The following IQCC variants were observed in gnomAD, a reference collection of about 807,000 sequenced individuals.
IQCC encodes IQ motif containing C, also known as IQ domain-containing protein C.
IQCC carries 23 observed loss-of-function variants against 27.0 expected under a neutral mutation model. That is an observed-to-expected ratio of 0.85 (90% CI 0.61 to 1.21). The LOEUF (loss-of-function observed/expected upper bound fraction) is 1.21. Among genes scored for constraint, IQCC ranks in the 50% most tolerant of loss-of-function variants. IQCC has a pLI of 0.00. For synonymous variants in IQCC, 220 were observed against 217.2 expected (o/e 1.01, Z -0.11); for missense variants, 552 against 562.3 (o/e 0.98, Z 0.19).
chr1:32,207,079 G>A lies in IQCC; in HGVS notation c.517G>A (p.Glu173Lys). ...GTACCACCGCAGCCACTTGGCCATG[G>A]AATTGCTGTGGCTGCAACAGGCCAT... is the stretch of plus-strand genomic sequence containing the variant. ...LQYHRSHLAMELLWLQQAINS... is the reference protein window; with the variant it reads ...LQYHRSHLAMKLLWLQQAINS... The change falls in exon 4 of 5, where the codon GAA becomes AAA. Residue 173 changes from glutamate (E) to lysine (K), a missense_variant. Transcript: ENST00000291358. The A allele has an allele frequency of 1.2e-6, 2 of 1,612,966 alleles. No homozygotes were observed. The highest frequency in any genetic ancestry group is 8.5e-7 in the Non-Finnish European group (1 of 1,179,490).
Position 32,208,109 on chromosome 1 carries a change from G to A in IQCC, c.*27G>A. On this transcript the variant is annotated 3_prime_UTR_variant, in exon 5 of 5. Coordinates refer to ENST00000291358, the MANE Select transcript of IQCC (RefSeq NM_018134.3). ...CCCTAGGAAGCCAGGAGAGGATCAG[G>A]TTCCAAAGGGGAATGCTATGAAAGG... 1 of 1,556,042 alleles carries A rather than the reference G, an allele frequency of 6.4e-7. No homozygotes were observed. The highest frequency in any genetic ancestry group is 8.7e-7 in the Non-Finnish European group (1 of 1,151,584).
Position 32,205,703 on chromosome 1 carries a change from C to T in IQCC, c.22C>T (p.Arg8Trp), listed in dbSNP as rs771331321. The T allele has an allele frequency of 3.7e-6, 6 of 1,609,098 alleles. No homozygotes were observed. The highest frequency in any genetic ancestry group is 3.3e-5 in the Admixed American group (2 of 59,814). Reference sequence around the variant, plus strand: ...GCCCATGGAGCCAGAGCTGCTGGTTCGGAAGGTGTCTGCATTGCAGGTGCG... The same window carrying T: ...GCCCATGGAGCCAGAGCTGCTGGTTTGGAAGGTGTCTGCATTGCAGGTGCG... The part of the protein sequence containing the change: MEPELLV[R>W]KVSALQACVR... The change falls in exon 1 of 5, where the codon CGG (arginine) becomes TGG (tryptophan). Residue 8 changes from arginine (R) to tryptophan (W), a missense_variant. Transcript: ENST00000291358. This position sits in a 1 kb window ranked among gnomAD's most constrained non-coding sequence, Gnocchi z 5.6.
chr1:32,207,875 G>C lies in IQCC; in HGVS notation c.1194G>C (p.Trp398Cys), dbSNP rs752466982. 5.6e-6 allele frequency: 9 copies of C among 1,614,008 alleles called. No individual in the cohort carries two copies. ...CAGAGCATAGTGTCCTCGATCTCTGGAGGACTAAACCACCCAAAGGCCAGG... is the reference window on the plus strand; with the variant it reads ...CAGAGCATAGTGTCCTCGATCTCTGCAGGACTAAACCACCCAAAGGCCAGG... The part of the protein sequence containing the change: ...GGPEHSVLDL[W>C]RTKPPKGQAP... The change falls in exon 5 of 5, where the codon TGG becomes TGC. Residue 398 changes from tryptophan to cysteine, a missense_variant. Transcript: ENST00000291358.
chr1:32,207,260 A>G lies in IQCC; in HGVS notation c.579A>G (p.Thr193=), dbSNP rs754164233. Reference sequence around the variant, plus strand: ...AACAGTACCTACTTCTTAAACAAACACTGAGATCCCCAGAGGCGGGCCCGA... The same window carrying G: ...AACAGTACCTACTTCTTAAACAAACGCTGAGATCCCCAGAGGCGGGCCCGA... ...SRKEYLLLKQ[T]LRSPEAGPIR... is the part of the protein sequence containing the mutation. The change falls in exon 5 of 5, where the codon ACA becomes ACG. Residue 193 remains threonine (T), a synonymous_variant. Coordinates refer to ENST00000291358, the MANE Select transcript of IQCC (RefSeq NM_018134.3). 5.0e-6 allele frequency: 8 copies of G among 1,613,886 alleles called. No homozygotes were observed. Among genetic ancestry groups the G allele is most frequent in the Non-Finnish European group, 6.8e-6 (8 of 1,180,008 alleles).
At position 32,207,255 on chromosome 1, in the gene IQCC, C is replaced by G. The variant is rs1359529923; in HGVS notation, c.574C>G (p.Gln192Glu). 1 of 1,614,024 alleles carries G rather than the reference C, an allele frequency of 6.2e-7. No homozygotes were observed. Among genetic ancestry groups the G allele is most frequent in the Non-Finnish European group, 8.5e-7 (1 of 1,179,952 alleles). ...NSRKEYLLLK[Q>E]TLRSPEAGPI... ...CCCCCAACAGTACCTACTTCTTAAA[C>G]AAACACTGAGATCCCCAGAGGCGGG... Residue 192 changes from glutamine (Q) to glutamate (E), a missense_variant, in exon 5 of 5, where the codon CAA becomes GAA. Gln to Glu is a conservative substitution (Grantham distance 29). Transcript: ENST00000291358.
chr1:32,207,536 G>C lies in IQCC; in HGVS notation c.855G>C (p.Ser285=), dbSNP rs755689219. 6.8e-6 allele frequency: 11 copies of C among 1,611,682 alleles called. No individual in the cohort carries two copies. The highest frequency in any genetic ancestry group is 8.5e-6 in the Non-Finnish European group (10 of 1,178,782). The change falls in exon 5 of 5, where the codon TCG becomes TCC. Residue 285 remains serine (S), a synonymous_variant. Transcript: ENST00000291358. The part of the protein sequence containing the change: ...EPCYSKSGPP[S]SIPSNSQALG... ...GCTACAGCAAGTCTGGACCACCGTCGTCTATACCATCAAACAGCCAGGCCT... is the reference window on the plus strand; with the variant it reads ...GCTACAGCAAGTCTGGACCACCGTCCTCTATACCATCAAACAGCCAGGCCT...
rs146534863 is a variant in IQCC, at chr1:32,207,844, G to T, written c.1163G>T (p.Gly388Val). Residue 388 changes from glycine to valine, a missense_variant, in exon 5 of 5, where the codon GGG becomes GTG. Coordinates refer to ENST00000291358, the MANE Select transcript of IQCC (RefSeq NM_018134.3). The part of the protein sequence containing the change: ...EDHIIWDGTL[G>V]GPEHSVLDLW... ...CACATCATCTGGGATGGTACCTTGGGGGGGCCAGAGCATAGTGTCCTCGAT... is the reference window on the plus strand; with the variant it reads ...CACATCATCTGGGATGGTACCTTGGTGGGGCCAGAGCATAGTGTCCTCGAT... The T allele has an allele frequency of 3.7e-6, 6 of 1,614,092 alleles. No homozygotes were observed. The highest frequency in any genetic ancestry group is 4.2e-6 in the Non-Finnish European group (5 of 1,180,016).
In IQCC at chr1:32,207,568, AC is replaced by A; in HGVS notation, c.888del (p.Asp296GlufsTer22). On this transcript the variant is annotated frameshift_variant, in exon 5 of 5. Coordinates refer to ENST00000291358, the MANE Select transcript of IQCC (RefSeq NM_018134.3). LOFTEE classifies it low-confidence loss of function (END_TRUNC). ...CCATCAAACAGCCAGGCCTTGGGGG[AC>A]AGGCTCACCAAAGGGCCAGACGATG... ...SIPSNSQALG[D>X]RLTKGPDDGR... is the part of the protein sequence containing the mutation. 6.2e-7 allele frequency: 1 copy of A among 1,612,540 alleles called. No individual in the cohort carries two copies. Among genetic ancestry groups the A allele is most frequent in the Non-Finnish European group, 8.5e-7 (1 of 1,179,312 alleles).
Position 32,207,781 on chromosome 1 carries a change from G to C in IQCC, c.1100G>C (p.Arg367Pro). ...RKLDHKEPDC[R>P]TVRTQELGLS... Reference sequence around the variant, plus strand: ...CTAGACCACAAAGAGCCTGACTGCCGAACAGTCAGGACACAAGAGTTGGGC... The same window carrying C: ...CTAGACCACAAAGAGCCTGACTGCCCAACAGTCAGGACACAAGAGTTGGGC... The change falls in exon 5 of 5, where the codon CGA (arginine) becomes CCA (proline). Residue 367 changes from arginine to proline, a missense_variant. Coordinates refer to ENST00000291358, the MANE Select transcript of IQCC (RefSeq NM_018134.3). 2 of 1,613,742 alleles carry C rather than the reference G, an allele frequency of 1.2e-6. No individual in the cohort carries two copies. Among genetic ancestry groups the C allele is most frequent in the Non-Finnish European group, 1.7e-6 (2 of 1,179,810 alleles).
At position 32,205,728 on chromosome 1, in the gene IQCC, G is replaced by C. The variant is rs766349411; in HGVS notation, c.42+5G>C. The C allele has an allele frequency of 6.7e-5, 108 of 1,611,722 alleles. No homozygotes were observed. Among genetic ancestry groups the C allele is most frequent in the Admixed American group, 1.3e-4 (8 of 59,820 alleles). On this transcript the variant is annotated splice_donor_5th_base_variant and intron_variant, in intron 1 of 4. Transcript: ENST00000291358. This position sits in a 1 kb window ranked among gnomAD's most constrained non-coding sequence, Gnocchi z 5.6. ...CGGAAGGTGTCTGCATTGCAGGTGCGGGGGCGGGCGCGGGGTTCACAGGAT... is the reference window on the plus strand; with the variant it reads ...CGGAAGGTGTCTGCATTGCAGGTGCCGGGGCGGGCGCGGGGTTCACAGGAT...
chr1:32,208,238 G>C lies in IQCC; in HGVS notation c.*156G>C. On this transcript the variant is annotated 3_prime_UTR_variant, in exon 5 of 5. Coordinates refer to ENST00000291358, the MANE Select transcript of IQCC (RefSeq NM_018134.3). ...GGGCCAAGAGAAGCTGGAGCAGAGA[G>C]CTGGCATGAGTATAGGGAAGGAGGA... 1.3e-6 allele frequency: 1 copy of C among 746,518 alleles called. No individual in the cohort carries two copies. The highest frequency in any genetic ancestry group is 2.2e-6 in the Non-Finnish European group (1 of 462,736). The allele number at this position is 746,518 out of a possible 1,614,324, so 46.2% of individuals were successfully genotyped here.
At position 32,208,192 on chromosome 1, in the gene IQCC, C is replaced by A; in HGVS notation, c.*110C>A. ...ACCAGCTCTGGCTTCTGCTCCTGCC[C>A]CTGGCCATTGGTGACTAGTGGGGCC... is the stretch of plus-strand genomic sequence containing the variant. On this transcript the variant is annotated 3_prime_UTR_variant, in exon 5 of 5. Coordinates refer to ENST00000291358, the MANE Select transcript of IQCC (RefSeq NM_018134.3). 8.1e-7 allele frequency: 1 copy of A among 1,240,024 alleles called. No individual in the cohort carries two copies. Among genetic ancestry groups the A allele is most frequent in the Non-Finnish European group, 1.1e-6 (1 of 909,854 alleles). The allele number at this position is 1,240,024 out of a possible 1,614,324, so 76.8% of individuals were successfully genotyped here.
chr1:32,207,841 TGGG>T lies in IQCC; in HGVS notation c.1165_1167del (p.Gly389del), dbSNP rs753907631. ...GACCACATCATCTGGGATGGTACCT[TGGG>T]GGGGCCAGAGCATAGTGTCCTCGAT... On this transcript the variant is annotated inframe_deletion, in exon 5 of 5. Transcript: ENST00000291358. 3 of 1,613,696 alleles carry T rather than the reference TGGG, an allele frequency of 1.9e-6. No individual in the cohort carries two copies. Among genetic ancestry groups the T allele is most frequent in the Admixed American group, 1.7e-5 (1 of 59,992 alleles).
Position 32,207,269 on chromosome 1 carries a change from C to T in IQCC, c.588C>T (p.Ser196=), listed in dbSNP as rs1204187061. 1 of 1,614,004 alleles carries T rather than the reference C, an allele frequency of 6.2e-7. No individual in the cohort carries two copies. The highest frequency in any genetic ancestry group is 8.5e-7 in the Non-Finnish European group (1 of 1,179,980). Residue 196 remains serine (S), a synonymous_variant, in exon 5 of 5, where the codon TCC becomes TCT. Transcript: ENST00000291358. ...TACTTCTTAAACAAACACTGAGATC[C>T]CCAGAGGCGGGCCCGATCAGAGAGG... The part of the protein sequence containing the change: ...EYLLLKQTLR[S]PEAGPIREEP...
At position 32,206,244 on chromosome 1, in the gene IQCC, G is replaced by A. The variant is rs1643330804; in HGVS notation, c.133G>A (p.Gly45Ser). Reference sequence around the variant, plus strand: ...TGTACGAGAGGTCGAGGGCGACCTGGGCACGCTTCAGTGGACCGAGGGCCG... The same window carrying A: ...TGTACGAGAGGTCGAGGGCGACCTGAGCACGCTTCAGTGGACCGAGGGCCG... Reference protein sequence around the residue: ...AIVREVEGDLGTLQWTEGRIP... With the variant: ...AIVREVEGDLSTLQWTEGRIP... The change falls in exon 2 of 5, where the codon GGC becomes AGC. Residue 45 changes from glycine to serine, a missense_variant. Physicochemically the swap from Gly to Ser is moderately conservative, Grantham distance 56. Transcript: ENST00000291358. 2 of 1,614,086 alleles carry A rather than the reference G, an allele frequency of 1.2e-6. No homozygotes were observed. The highest frequency in any genetic ancestry group is 1.7e-6 in the Non-Finnish European group (2 of 1,180,044).
In IQCC at chr1:32,207,033, AC is replaced by A; in HGVS notation, c.473del (p.Pro158LeufsTer37). On this transcript the variant is annotated frameshift_variant, in exon 4 of 5. Transcript: ENST00000291358. LOFTEE classifies it high-confidence loss of function. Reference protein sequence around the residue: ...ATDQRLPHSQPQLQELQYHRS... With the variant: ...ATDQRLPHSQXQLQELQYHRS... ...CAGATCAAAGACTGCCCCACAGCCA[AC>A]CTCAGCTTCAAGAGCTTCAGTACCA... 6.2e-7 allele frequency: 1 copy of A among 1,613,160 alleles called. No homozygotes were observed. The highest frequency in any genetic ancestry group is 8.5e-7 in the Non-Finnish European group (1 of 1,179,632).
chr1:32,206,101 G>A (rs1643324164), intron 1 of IQCC, 53 bp from the exon 2 acceptor site: 1 of 1,612,212 alleles, frequency 6.2e-7, no homozygotes, highest in African/African-American at 1.3e-5. Flanking sequence ...CCTCCGAGAT[G>A]CCCCCTCTCT....
At position 32,207,109 on chromosome 1, in the gene IQCC, A is replaced by G. The variant is rs1466675545; in HGVS notation, c.547A>G (p.Ser183Gly). ...ELLWLQQAIN[S>G]RKEYLLLKQT... ...GCTGTGGCTGCAACAGGCCATCAAT[A>G]GCCGTAAGGAGGTAACACTAACCTG... Residue 183 changes from serine (S) to glycine (G), a missense_variant, in exon 4 of 5, where the codon AGC becomes GGC. Ser to Gly is a moderately conservative substitution (Grantham distance 56). Transcript: ENST00000291358. The G allele has an allele frequency of 6.2e-7, 1 of 1,606,972 alleles. No individual in the cohort carries two copies. The highest frequency in any genetic ancestry group is 2.2e-5 in the East Asian group (1 of 44,790).
chr1:32,207,474 C>CA lies in IQCC; in HGVS notation c.800dup (p.Asn267LysfsTer6). On this transcript the variant is annotated frameshift_variant, in exon 5 of 5. Transcript: ENST00000291358. LOFTEE classifies it low-confidence loss of function (END_TRUNC). ...ATCCCCAGGAAGTTTGGCCACTACA[C>CA]AAAAAAACATTGCTGGGGCTAAGTG... 1.9e-6 allele frequency: 3 copies of CA among 1,613,098 alleles called. No individual in the cohort carries two copies. The highest frequency in any genetic ancestry group is 1.1e-5 in the South Asian group (1 of 91,074).
Sources: allele counts gnomAD v4.1 joint callset, GRCh38; gene constraint gnomAD v4.1.1; non-coding constraint Gnocchi (gnomAD v3.1); transcripts MANE v1.5; gene names NCBI Gene and HGNC (gene_info 2026-07-23, HGNC 2026-07-21).